CPED1: variants seen among roughly 807,000 people sequenced by gnomAD.
CPED1 encodes cadherin like and PC-esterase domain containing 1.
Under a neutral mutation model 128.2 loss-of-function variants are expected in CPED1, and 114 were observed. The observed-to-expected ratio is 0.89, with a 90% CI of 0.76 to 1.04. The LOEUF (loss-of-function observed/expected upper bound fraction) is 1.04, where lower values mean the gene tolerates loss of function less well. Ranked by LOEUF, CPED1 falls within the 50% of genes least tolerant of loss-of-function variation. The pLI is 0.00. For missense variants in CPED1, 1,211 were observed against 1,207.1 expected (o/e 1.00, Z -0.05); for synonymous variants, 462 against 426.7 (o/e 1.08, Z -1.02).
At chr7:121,161,091 C>G (rs1262868157) in intron 16 of CPED1, among the ~76,000 whole-genome samples, 1 of 152,206 alleles carries the variant, frequency 6.6e-6, no homozygotes, top group Non-Finnish European at 1.5e-5. Flanking sequence ...TGCTGTGCAA[C>G]AAATTACCAC....
At chr7:121,153,008 G>C (rs1796193757) in intron 16 of CPED1, among the ~76,000 whole-genome samples, 1 of 152,090 alleles carries the variant, frequency 6.6e-6, no homozygotes, top group South Asian at 2.1e-4. Flanking sequence ...GGGAATTTAA[G>C]AATTATTTAA....
At chr7:121,280,068 A>T (rs1393861940) in intron 22 of CPED1, among the ~76,000 whole-genome samples, 1 of 152,186 alleles carries the variant, frequency 6.6e-6, no homozygotes, top group African/African-American at 2.4e-5. Flanking sequence ...ATTGTGTAAC[A>T]TTTAGTGCCT....
chr7:121,195,089 T>C (rs559773424), intron 16 of CPED1: 1 of 152,312 alleles, frequency 6.6e-6, no homozygotes, highest in Non-Finnish European at 1.5e-5. Flanking sequence ...TTTTCTTGCT[T>C]AGTATACTAC....
At chr7:121,255,064 T>G (rs936837343) in intron 18 of CPED1, among the ~76,000 whole-genome samples, 3 of 152,022 alleles carry the variant, frequency 2.0e-5, no homozygotes, top group Non-Finnish European at 4.4e-5. Flanking sequence ...TTCTATGAAG[T>G]TAGCATCAGC....
chr7:121,184,170 C>A (rs570964288), intron 16 of CPED1, among the ~76,000 whole-genome samples: 228 of 151,652 alleles, frequency 1.5e-3, no homozygotes, highest in African/African-American at 5.2e-3. Flanking sequence ...TTGTGTGATT[C>A]TTTTCTTTCA....
intron 16 of CPED1, among the ~76,000 whole-genome samples, chr7:121,233,723 T>C (rs1273358532): frequency 6.6e-6 from 1 of 152,040 alleles, no homozygotes. Context: ...TCTAAAGAAA[T>C]ACTCAAAAAG....
chr7:121,104,297 C>T (rs1488550179), intron 7 of CPED1, among the ~76,000 whole-genome samples: 2 of 152,100 alleles, frequency 1.3e-5, no homozygotes, highest in African/African-American at 2.4e-5. Context: ...AATTCTTTCA[C>T]AAATATTCTA....
At chr7:121,039,789 A>T (rs1793000645) in intron 3 of CPED1, among the ~76,000 whole-genome samples, 1 of 152,084 alleles carries the variant, frequency 6.6e-6, no homozygotes, top group African/African-American at 2.4e-5. Context: ...AACATTTCTT[A>T]AAGGATTTAT....
At chr7:121,223,694 T>C (rs1181941092) in intron 16 of CPED1, among the ~76,000 whole-genome samples, 1 of 152,126 alleles carries the variant, frequency 6.6e-6, no homozygotes, top group African/African-American at 2.4e-5. Context: ...ATGGGAGTTG[T>C]ATATGTCCAG....
chr7:121,200,864 A>G (rs1205713807), intron 16 of CPED1, among the ~76,000 whole-genome samples: 2 of 152,144 alleles, frequency 1.3e-5, no homozygotes, highest in Non-Finnish European at 2.9e-5. Context: ...AATGAGAGCA[A>G]TAGTGTCATT....
chr7:121,085,371 G>A (rs1794396193), intron 5 of CPED1, among the ~76,000 whole-genome samples: 3 of 152,136 alleles, frequency 2.0e-5, no homozygotes, highest in Non-Finnish European at 2.9e-5. Context: ...GCCTGAATAA[G>A]TAAAAAATAA....
chr7:121,074,784 G>A (rs1040555822), intron 5 of CPED1, among the ~76,000 whole-genome samples: 1 of 151,712 alleles, frequency 6.6e-6, no homozygotes, highest in Non-Finnish European at 1.5e-5. Context: ...GCTTTCTCTT[G>A]AATCACATTA....
chr7:121,017,784 C>T (rs183580453), intron 3 of CPED1, among the ~76,000 whole-genome samples: 406 of 152,314 alleles, frequency 2.7e-3, no homozygotes, highest in Non-Finnish European at 4.0e-3. Context: ...AGGAGAATTA[C>T]TCTGCAGCTT....
chr7:121,098,735 T>C (rs1794758609), intron 6 of CPED1, among the ~76,000 whole-genome samples: 1 of 29,428 alleles, frequency 3.4e-5, no homozygotes. Context: ...GTCTCAAATA[T>C]ATATATATAA....
chr7:121,065,085 T>A (rs1296097614), intron 5 of CPED1, among the ~76,000 whole-genome samples: 1 of 152,188 alleles, frequency 6.6e-6, no homozygotes, highest in Non-Finnish European at 1.5e-5. Context: ...TGTCTCCTAG[T>A]TGAATCAGGA....
rs192190515 is a variant in CPED1 at position 121,155,944 on chromosome 7, T to C, written c.2055+13803T>C. On this transcript the variant is annotated intron_variant, in intron 16 of 22. Transcript: ENST00000310396. ...AAAATGGGAGAAACGCCTTGCAAAG[T>C]GTCCATATAACAAGGATTCAATAAC... 5.9e-5 allele frequency among the ~76,000 whole-genome samples: 9 copies of C among 152,232 alleles called. No homozygotes were observed. The East Asian group carries it at 1.3e-3, about 23-fold the overall frequency.
intron 3 of CPED1, among the ~76,000 whole-genome samples, chr7:121,040,696 A>T (rs1156348619): frequency 6.6e-6 from 1 of 152,046 alleles, no homozygotes; most frequent in Non-Finnish European, 1.5e-5. Context: ...CAGTGAACAG[A>T]TAAAATATCC....
In CPED1 at chr7:121,136,065, A is replaced by G. The variant is rs1295713015; in HGVS notation, c.1674A>G (p.Glu558=). The change falls in exon 14 of 23, where the codon GAA becomes GAG. Residue 558 remains glutamate, a synonymous_variant. Transcript: ENST00000310396. ...CTGCAGTTCCACAAATTAAAAATGA[A>G]AATAAAGAAATACATTGCAGTGATG... ...KKAAVPQIKN[E]NKEIHCSDDE... The G allele has an allele frequency of 6.5e-7, 1 of 1,545,626 alleles. No homozygotes were observed.
At chr7:121,092,482 A>G (rs1247586739) in intron 5 of CPED1, among the ~76,000 whole-genome samples, 3 of 151,770 alleles carry the variant, frequency 2.0e-5, no homozygotes, top group Non-Finnish European at 4.4e-5. Context: ...TTCAGTGGAG[A>G]AAAAAAAATT....
Sources: allele counts gnomAD v4.1 joint callset (sites outside exome capture counted in the v4.1 genomes callset), GRCh38; gene constraint gnomAD v4.1.1; transcripts MANE v1.5; gene names NCBI Gene and HGNC (gene_info 2026-07-23, HGNC 2026-07-21).